Variants in STK3 observed in about 807,000 individuals in gnomAD.
STK3 encodes serine/threonine-protein kinase 3.
A neutral mutation model predicts 58.0 loss-of-function variants in STK3; 41 were observed. That is an observed-to-expected ratio of 0.71 (90% CI 0.55 to 0.92). The LOEUF is 0.92. Ranked by LOEUF, STK3 falls within the 40% of genes least tolerant of loss-of-function variation. STK3 has a pLI of 0.00. For missense variants in STK3, 479 were observed against 602.7 expected (o/e 0.79, Z 2.15); for synonymous variants, 170 against 191.0 (o/e 0.89, Z 0.91).
intron 1 of STK3, among the ~76,000 whole-genome samples, chr8:98,930,353 T>C (rs1438032075): frequency 6.6e-6 from 1 of 152,236 alleles, no homozygotes; most frequent in Admixed American, 6.5e-5. Context: ...ACTGTAGCTT[T>C]GAATTCCTCC....
At position 98,706,816 on chromosome 8, in the gene STK3, CAA is replaced by C. The variant is rs561169193; in HGVS notation, c.517-184_517-183del. ...AGGAATTCCGAATTCTGAAAATAAC[CAA>C]GAGTCCACAGGTAACTTATCCACAC... On this transcript the variant is annotated intron_variant, in intron 5 of 10. Coordinates refer to ENST00000419617, the MANE Select transcript of STK3 (RefSeq NM_006281.4). 4.1e-4 allele frequency among the ~76,000 whole-genome samples: 62 copies of C among 152,136 alleles called. 1 individual carries two copies. In the Middle Eastern group the frequency reaches 0.01, roughly 25 times the overall value.
At chr8:98,650,720 C>T (rs142527005) in intron 6 of STK3, among the ~76,000 whole-genome samples, 4,962 of 152,308 alleles carry the variant, frequency 0.033, 117 homozygotes, top group Non-Finnish European at 0.047. Flanking sequence ...CCTACGCCCA[C>T]GGAGTCTCGC....
At chr8:98,750,627 A>AC (rs1306595863) in intron 3 of STK3, among the ~76,000 whole-genome samples, 34 of 152,064 alleles carry the variant, frequency 2.2e-4, no homozygotes, top group African/African-American at 7.9e-4. Flanking sequence ...CAAAAAAAAA[A>AC]ACCACCCAGG....
chr8:98,740,411 C>T (rs950021393), intron 4 of STK3, among the ~76,000 whole-genome samples: 3 of 152,218 alleles, frequency 2.0e-5, no homozygotes, highest in African/African-American at 7.2e-5. Context: ...AGAAACTCTA[C>T]AAGCCAGAAG....
intron 10 of STK3, among the ~76,000 whole-genome samples, chr8:98,468,174 T>C (rs559563240): frequency 1.1e-4 from 17 of 152,272 alleles, no homozygotes; most frequent in Non-Finnish European, 1.8e-4. Flanking sequence ...TTTAAAACAA[T>C]AAAACTCAAA....
At chr8:98,751,299 G>A (rs1026699672) in intron 3 of STK3, among the ~76,000 whole-genome samples, 1 of 152,152 alleles carries the variant, frequency 6.6e-6, no homozygotes, top group Non-Finnish European at 1.5e-5. Flanking sequence ...CAAATAGGAA[G>A]AGAGGAAGTC....
At chr8:98,439,122 TG>T (rs1818601316) in intron 1 of STK3, 1 of 152,250 alleles carries the variant, frequency 6.6e-6, no homozygotes, top group Non-Finnish European at 1.5e-5. Flanking sequence ...TATTGTAATT[TG>T]TCATTTTTAT....
intron 10 of STK3, among the ~76,000 whole-genome samples, chr8:98,500,697 T>C (rs1054678524): frequency 6.6e-6 from 1 of 152,184 alleles, no homozygotes; most frequent in Non-Finnish European, 1.5e-5. Flanking sequence ...CTCAGAATGA[T>C]GGTTTCCAGC....
chr8:98,793,160 C>A (rs1832914138), intron 1 of STK3, among the ~76,000 whole-genome samples: 2 of 151,946 alleles, frequency 1.3e-5, no homozygotes, highest in African/African-American at 4.8e-5. Flanking sequence ...ACACAATGGA[C>A]TTTGGAGACT....
intron 6 of STK3, among the ~76,000 whole-genome samples, chr8:98,695,904 G>C (rs1233567443): frequency 6.6e-6 from 1 of 152,174 alleles, no homozygotes; most frequent in Non-Finnish European, 1.5e-5. Flanking sequence ...TGTGAAGAAA[G>C]TCATTGGTAG....
At chr8:98,804,310 A>AC (rs1226471957) in intron 1 of STK3, among the ~76,000 whole-genome samples, 1 of 152,116 alleles carries the variant, frequency 6.6e-6, no homozygotes, top group Non-Finnish European at 1.5e-5. Context: ...CCAAACAAGC[A>AC]TTTTCTTATT....
At chr8:98,707,408 G>T in intron 4 of STK3, 97 bp from the exon 5 acceptor site, 1 of 951,706 alleles carries the variant, frequency 1.1e-6, no homozygotes, top group Non-Finnish European at 1.5e-6. Flanking sequence ...CCGTGTGTGT[G>T]TGTGTGTTTT....
chr8:98,420,157 A>C (rs1334748432), intron 3 of STK3, among the ~76,000 whole-genome samples: 3 of 152,182 alleles, frequency 2.0e-5, no homozygotes, highest in Non-Finnish European at 2.9e-5. Flanking sequence ...TAAATGTTAA[A>C]TTGTGTGCTT....
downstream of STK3, chr8:98,882,801 G>A (rs1417854261): frequency 3.3e-5 from 5 of 152,134 alleles, no homozygotes. Context: ...CTCAGATTAA[G>A]GAAGAAAGAT....
intron 1 of STK3, among the ~76,000 whole-genome samples, chr8:98,938,166 T>C (rs200521888): frequency 6.7e-6 from 1 of 150,054 alleles, no homozygotes; most frequent in Non-Finnish European, 1.5e-5. Context: ...AAAAAAAAAC[T>C]AAAAAAACTT....
chr8:98,738,834 T>G (rs543800767), intron 4 of STK3, among the ~76,000 whole-genome samples: 1 of 152,234 alleles, frequency 6.6e-6, no homozygotes, highest in Non-Finnish European at 1.5e-5. Context: ...TTCCCTTTCC[T>G]AGTCAAAGAA....
chr8:98,436,332 CT>C (rs1305567728), intron 2 of STK3, among the ~76,000 whole-genome samples: 2 of 152,252 alleles, frequency 1.3e-5, no homozygotes, highest in African/African-American at 4.8e-5. Context: ...CAAAGGACCC[CT>C]GTGTCTCCTG....
intron 6 of STK3, among the ~76,000 whole-genome samples, chr8:98,610,723 A>T (rs1260240440): frequency 2.6e-5 from 4 of 152,188 alleles, no homozygotes; most frequent in Non-Finnish European, 5.9e-5. Flanking sequence ...AGGAGGGAAA[A>T]CTATGGGCTC....
chr8:98,819,300 T>A (rs1415029948), intron 1 of STK3, among the ~76,000 whole-genome samples: 2 of 152,014 alleles, frequency 1.3e-5, no homozygotes, highest in African/African-American at 2.4e-5. Context: ...TTTTTTTTTT[T>A]AAATGTTGAA....
Sources: allele counts gnomAD v4.1 joint callset (sites outside exome capture counted in the v4.1 genomes callset), GRCh38; gene constraint gnomAD v4.1.1; transcripts MANE v1.5; gene names NCBI Gene and HGNC (gene_info 2026-07-23, HGNC 2026-07-21).